ROBO1: variants seen among roughly 807,000 people sequenced by gnomAD.
ROBO1 encodes the protein roundabout homolog 1.
Under a neutral mutation model 195.9 loss-of-function variants are expected in ROBO1, and 149 were observed. The observed-to-expected ratio is 0.76, with a 90% CI of 0.67 to 0.87. The LOEUF (loss-of-function observed/expected upper bound fraction) is 0.87. Ranked by LOEUF, ROBO1 falls within the 40% of genes least tolerant of loss-of-function variation. ROBO1 has a pLI of 0.00. For missense variants in ROBO1, 1,933 were observed against 2,068.3 expected, an observed-to-expected ratio of 0.93 and a Z score of 1.27; for synonymous variants, 816 against 733.2, an observed-to-expected ratio of 1.11 and a Z score of -1.82.
At chr3:78,824,678 G>T (rs2031413148) in intron 4 of ROBO1, among the ~76,000 whole-genome samples, 1 of 152,128 alleles carries the variant, frequency 6.6e-6, no homozygotes, top group South Asian at 2.1e-4. Flanking sequence ...AAATTATTTA[G>T]AATCTATAAA....
chr3:79,441,485 A>G (rs2039052368), intron 2 of ROBO1, among the ~76,000 whole-genome samples: 1 of 152,104 alleles, frequency 6.6e-6, no homozygotes, highest in African/African-American at 2.4e-5. Context: ...TTGTTTTTGC[A>G]ATGTCTTTTG....
intron 3 of ROBO1, chr3:79,019,430 C>G: frequency 3.0e-6 from 3 of 986,280 alleles, no homozygotes; most frequent in Non-Finnish European, 3.6e-6. Context: ...GAAGTTTCTG[C>G]TCTCACGCTG....
intron 2 of ROBO1, among the ~76,000 whole-genome samples, chr3:79,460,103 T>A (rs2039756249): frequency 6.6e-6 from 1 of 152,208 alleles, no homozygotes; most frequent in Non-Finnish European, 1.5e-5. Context: ...TAAATTCTAA[T>A]TCTTACCTCA....
chr3:79,524,209 A>G (rs1941336012), intron 2 of ROBO1, among the ~76,000 whole-genome samples: 1 of 151,656 alleles, frequency 6.6e-6, no homozygotes. Context: ...GACAGAGAGA[A>G]CCCACTATTT....
At chr3:79,619,927 T>A (rs1388449813) in intron 1 of ROBO1, among the ~76,000 whole-genome samples, 1 of 152,088 alleles carries the variant, frequency 6.6e-6, no homozygotes, top group African/African-American at 2.4e-5. Flanking sequence ...GTGTACAATA[T>A]AGAGAACAGG....
In ROBO1 at chr3:79,172,838, T is replaced by A. The variant is rs138459904; in HGVS notation, c.89-47299A>T. ...AGTTTAGAATACCTTTATACCCTTATCTGTGATCAAGGAATTTCTGTTTAC... is the reference window on the plus strand; with the variant it reads ...AGTTTAGAATACCTTTATACCCTTAACTGTGATCAAGGAATTTCTGTTTAC... On this transcript the variant is annotated intron_variant, in intron 2 of 30. Transcript: ENST00000464233. Among the ~76,000 whole-genome samples the A allele has an allele frequency of 3.9e-5, 6 of 152,302 alleles. 1 individual carries two copies. The East Asian group carries it at 1.2e-3, about 29-fold the overall frequency.
chr3:78,981,853 C>T (rs1437867395), intron 3 of ROBO1, among the ~76,000 whole-genome samples: 1 of 151,142 alleles, frequency 6.6e-6, no homozygotes, highest in Non-Finnish European at 1.5e-5. Context: ...AGGGACTTTC[C>T]CTAGAAATTC....
chr3:79,006,154 G>A (rs117095496), intron 3 of ROBO1, among the ~76,000 whole-genome samples: 1 of 152,218 alleles, frequency 6.6e-6, no homozygotes, highest in East Asian at 1.9e-4. Context: ...AGGGCTCGTG[G>A]TTTTGTTGTC....
At chr3:78,711,398 C>CTTTCTTT (rs1491176844) in intron 8 of ROBO1, among the ~76,000 whole-genome samples, 5 of 39,948 alleles carry the variant, frequency 1.3e-4, no homozygotes, top group Non-Finnish European at 1.8e-4. Flanking sequence ...TTCCTTCCTT[C>CTTTCTTT]CTTTCTTTCT....
At chr3:79,262,327 T>C (rs75549545) in intron 2 of ROBO1, among the ~76,000 whole-genome samples, 5,109 of 152,160 alleles carry the variant, frequency 0.034, 257 homozygotes, top group African/African-American at 0.11. Context: ...CAAGCCCACC[T>C]AATCAAGTTT....
chr3:79,442,846 A>C (rs1396678502), intron 2 of ROBO1, among the ~76,000 whole-genome samples: 1 of 152,160 alleles, frequency 6.6e-6, no homozygotes, highest in Non-Finnish European at 1.5e-5. Context: ...GTATCATAGA[A>C]ACATTTTTTC....
chr3:78,972,642 T>C (rs1476737653), intron 3 of ROBO1, among the ~76,000 whole-genome samples: 3 of 152,232 alleles, frequency 2.0e-5, no homozygotes, highest in South Asian at 2.1e-4. Flanking sequence ...TTCCCCCTCA[T>C]TGTTAAGGGA....
rs373943301 is a variant in ROBO1 at position 78,670,293 on chromosome 3, C to T, written c.1351G>A (p.Asp451Asn). 40 of 1,558,866 alleles carry T rather than the reference C, an allele frequency of 2.6e-5. No homozygotes were observed. In the African/African-American group the frequency reaches 5.0e-4, roughly 20 times the overall value. ...TGTCGAATAACTGGGGGAGGCCGATCTGCAATCACTGCCAGAAGAAACAAC... is the reference window on the plus strand; with the variant it reads ...TGTCGAATAACTGGGGGAGGCCGATTTGCAATCACTGCCAGAAGAAACAAC... ...AYLEVTDVIADRPPPVIRQGP... is the reference protein window; with the variant it reads ...AYLEVTDVIANRPPPVIRQGP... The change falls in exon 11 of 31, where the codon GAT becomes AAT. Residue 451 changes from aspartate (D) to asparagine (N), a missense_variant. Physicochemically the swap from Asp to Asn is conservative, Grantham distance 23. Transcript: ENST00000464233.
chr3:78,746,622 A>T (rs1213926493), intron 5 of ROBO1, 121 bp downstream of exon 5: 1 of 760,710 alleles, frequency 1.3e-6, no homozygotes, highest in Non-Finnish European at 1.9e-6. Flanking sequence ...GAAAAGCTGA[A>T]CATGGGAGCT....
At chr3:79,616,959 G>A (rs1171835086) in intron 1 of ROBO1, among the ~76,000 whole-genome samples, 4 of 152,158 alleles carry the variant, frequency 2.6e-5, no homozygotes, top group Non-Finnish European at 5.9e-5. Context: ...TCCACCCCAA[G>A]GCCATTTTGG....
intron 3 of ROBO1, among the ~76,000 whole-genome samples, chr3:79,098,444 C>T (rs1468117725): frequency 6.6e-6 from 1 of 151,768 alleles, no homozygotes; most frequent in East Asian, 1.9e-4. Flanking sequence ...GAAAAAAGAA[C>T]CATGATATTG....
intron 4 of ROBO1, among the ~76,000 whole-genome samples, chr3:78,888,511 T>TAC (rs1174805249): frequency 6.6e-6 from 1 of 152,194 alleles, no homozygotes; most frequent in Non-Finnish European, 1.5e-5. Flanking sequence ...TTGCTCGAAA[T>TAC]ACACACAGAC....
chr3:79,418,468 T>A (rs928076377), intron 2 of ROBO1, among the ~76,000 whole-genome samples: 1 of 151,938 alleles, frequency 6.6e-6, no homozygotes, highest in Non-Finnish European at 1.5e-5. Flanking sequence ...AATGAAAAAA[T>A]CTTCAGCCAT....
intron 18 of ROBO1, among the ~76,000 whole-genome samples, chr3:78,652,865 G>GGCCT (rs1310030087): frequency 1.3e-5 from 2 of 150,904 alleles, no homozygotes; most frequent in Non-Finnish European, 3.0e-5. Context: ...CCACACAAGG[G>GGCCT]GCCTGCAAAG....
Sources: allele counts gnomAD v4.1 joint callset (sites outside exome capture counted in the v4.1 genomes callset), GRCh38; gene constraint gnomAD v4.1.1; transcripts MANE v1.5; gene names NCBI Gene and HGNC (gene_info 2026-07-23, HGNC 2026-07-21).